The following CDK4 variants were observed in gnomAD, a reference collection of about 807,000 sequenced individuals.
CDK4 encodes cyclin-dependent kinase 4.
Under a neutral mutation model 36.7 loss-of-function variants are expected in CDK4, and 13 were observed. The ratio of observed to expected loss-of-function variants is 0.35; its 90% CI spans 0.23 to 0.56. The LOEUF is 0.56. Among genes scored for constraint, CDK4 ranks in the 20% least tolerant of loss-of-function variants. The probability of loss-of-function intolerance (pLI) is 0.85; values close to 1 mark genes in which losing one functional copy is unlikely to be tolerated. For missense variants in CDK4, 285 were observed against 387.3 expected, an observed-to-expected ratio of 0.74 and a Z score of 2.22; for synonymous variants, 158 against 146.4, an observed-to-expected ratio of 1.08 and a Z score of -0.57.
chr12:57,751,215 T>C lies in CDK4; in HGVS notation c.346A>G (p.Thr116Ala), dbSNP rs2063052002. 1 of 1,614,066 alleles carries C rather than the reference T, an allele frequency of 6.2e-7. No homozygotes were observed. Among genetic ancestry groups the C allele is most frequent in the Admixed American group, 1.7e-5 (1 of 60,008 alleles). ...CTACCAACCCCACTCACCTTGATCGTTTCGGCTGGCAAGCCTGGTGGGGGT... is the reference window on the plus strand; with the variant it reads ...CTACCAACCCCACTCACCTTGATCGCTTCGGCTGGCAAGCCTGGTGGGGGT... ...KAPPPGLPAETIKDLMRQFLR... is the reference protein window; with the variant it reads ...KAPPPGLPAEAIKDLMRQFLR... The change falls in exon 3 of 8, where the codon ACG (threonine) becomes GCG (alanine). Residue 116 changes from threonine to alanine, a missense_variant. Transcript: ENST00000257904. This position sits in a 1 kb window ranked among gnomAD's most constrained non-coding sequence, Gnocchi z 4.5.
Position 57,749,703 on chromosome 12 carries a change from T to A in CDK4, c.633-199A>T, listed in dbSNP as rs527728639. The A allele has an allele frequency of 1.9e-4, 115 of 621,308 alleles. 1 individual carries two copies. Among genetic ancestry groups the A allele is most frequent in the South Asian group, 5.9e-4 (31 of 52,856 alleles). 38.5% of individuals were successfully genotyped at this position (621,308 alleles called of 1,614,324 possible). On this transcript the variant is annotated intron_variant, in intron 5 of 7. Transcript: ENST00000257904. ...GCAAGCAAGACCTTGTCTCTTTTTT[T>A]AAAAAAAAAGAAATGCCAGGTGCAG...
chr12:57,747,868 A>G lies in CDK4; in HGVS notation c.*657T>C. On this transcript the variant is annotated 3_prime_UTR_variant, in exon 8 of 8. Coordinates refer to ENST00000257904, the MANE Select transcript of CDK4 (RefSeq NM_000075.4). ...AGCGATCCTCCTGCCTCAGTCTCCCAAGTAGCTGGGATTACAGGTGTGCAC... is the reference window on the plus strand; with the variant it reads ...AGCGATCCTCCTGCCTCAGTCTCCCGAGTAGCTGGGATTACAGGTGTGCAC... 5.7e-6 allele frequency: 1 copy of G among 175,930 alleles called. No individual in the cohort carries two copies. The allele number at this position is 175,930 out of a possible 1,614,324, so 10.9% of individuals were successfully genotyped here.
At position 57,747,769 on chromosome 12, in the gene CDK4, G is replaced by T. The variant is rs1181253656; in HGVS notation, c.*756C>A. 4.3e-5 allele frequency: 7 copies of T among 161,792 alleles called. No individual in the cohort carries two copies. The highest frequency in any genetic ancestry group is 9.4e-5 in the Non-Finnish European group (7 of 74,236). The allele number at this position is 161,792 out of a possible 1,614,324, so 10.0% of individuals were successfully genotyped here. Reference sequence around the variant, plus strand: ...ATTCTTTTTTTTTTTTTGACACAGAGTCTTGCTCTGTTGCCCAGGCTGGAG... The same window carrying T: ...ATTCTTTTTTTTTTTTTGACACAGATTCTTGCTCTGTTGCCCAGGCTGGAG... On this transcript the variant is annotated 3_prime_UTR_variant, in exon 8 of 8. Coordinates refer to ENST00000257904, the MANE Select transcript of CDK4 (RefSeq NM_000075.4).
In CDK4 at chr12:57,751,375, CT is replaced by C; in HGVS notation, c.219-34del. On this transcript the variant is annotated intron_variant, in intron 2 of 7. Coordinates refer to ENST00000257904, the MANE Select transcript of CDK4 (RefSeq NM_000075.4). This position sits in a 1 kb window ranked among gnomAD's most constrained non-coding sequence, Gnocchi z 4.5. ...GAGTAAATGCTCACTTTTCAATCCC[CT>C]TTAACCCAACATGGCCTCTCATTAT... is the stretch of plus-strand genomic sequence containing the variant. 6.2e-7 allele frequency: 1 copy of C among 1,614,004 alleles called. No homozygotes were observed. Among genetic ancestry groups the C allele is most frequent in the Non-Finnish European group, 8.5e-7 (1 of 1,179,996 alleles).
chr12:57,751,871 T>C lies in CDK4; in HGVS notation c.-19-135A>G, dbSNP rs1955242110. 1.3e-5 allele frequency: 9 copies of C among 692,850 alleles called. No homozygotes were observed. Among genetic ancestry groups the C allele is most frequent in the South Asian group, 1.1e-4 (7 of 62,116 alleles). The allele number at this position is 692,850 out of a possible 1,614,324, so 42.9% of individuals were successfully genotyped here. A position where few individuals can be genotyped will look rare whatever the true frequency, so the allele number is the denominator to read the frequency against. On this transcript the variant is annotated intron_variant, in intron 1 of 7. Coordinates refer to ENST00000257904, the MANE Select transcript of CDK4 (RefSeq NM_000075.4). This position sits in a 1 kb window ranked among gnomAD's most constrained non-coding sequence, Gnocchi z 4.5. Reference sequence around the variant, plus strand: ...TCCCATCCCCCGCTCCCAGTCTTCCTTGGGGCCGGCCCCAGAGATAACACA... The same window carrying C: ...TCCCATCCCCCGCTCCCAGTCTTCCCTGGGGCCGGCCCCAGAGATAACACA...
rs1371301661 is a variant in CDK4, at chr12:57,748,174, G to T, written c.*351C>A. 15 of 351,070 alleles carry T rather than the reference G, an allele frequency of 4.3e-5. No homozygotes were observed. In the Admixed American group the frequency reaches 6.8e-4, roughly 16 times the overall value. The allele number at this position is 351,070 out of a possible 1,614,324, so 21.7% of individuals were successfully genotyped here. On this transcript the variant is annotated 3_prime_UTR_variant, in exon 8 of 8. Coordinates refer to ENST00000257904, the MANE Select transcript of CDK4 (RefSeq NM_000075.4). ...GCAGGAAAGTCCCTTCTTCCAAGTG[G>T]TTTTTCCAAATCGCACAATGGCAAA... is the stretch of plus-strand genomic sequence containing the variant.
chr12:57,749,869 C>T (rs1332423111), intron 5 of CDK4: 4 of 322,018 alleles, frequency 1.2e-5, no homozygotes, highest in East Asian at 8.0e-5. Context: ...TGGTGGCGTG[C>T]ACCTGTGGTC....
rs1456215691 is a variant in CDK4 at position 57,751,607 on chromosome 12, C to T, written c.111G>A (p.Val37=). 6.2e-7 allele frequency: 1 copy of T among 1,614,218 alleles called. No homozygotes were observed. Among genetic ancestry groups the T allele is most frequent in the Admixed American group, 1.7e-5 (1 of 60,030 alleles). Residue 37 remains valine (V), a synonymous_variant, in exon 2 of 8, where the codon GTG becomes GTA. Transcript: ENST00000257904. This position sits in a 1 kb window ranked among gnomAD's most constrained non-coding sequence, Gnocchi z 4.5. ...HSGHFVALKS[V]RVPNGGGGGG... is the part of the protein sequence containing the mutation. The stretch of plus-strand genomic sequence containing the variant: ...CACCTCCTCCTCCATTGGGGACTCT[C>T]ACACTCTTGAGGGCCACAAAGTGGC...
At chr12:57,750,556 G>A (rs1265912693) in intron 5 of CDK4, 100 bp downstream of exon 5, 1 of 846,010 alleles carries the variant, frequency 1.2e-6, no homozygotes, top group South Asian at 1.3e-5. Context: ...AACACAGCAA[G>A]CCCTGGTCTC....
At position 57,748,640 on chromosome 12, in the gene CDK4, GAAAACCATGAAGAA is replaced by G. The variant is rs766751879; in HGVS notation, c.820-37_820-24del. On this transcript the variant is annotated intron_variant, in intron 7 of 7. Transcript: ENST00000257904. ...TTCCTGAGGGGAGAGGCAAAGGTCA[GAAAACCATGAAGAA>G]AACAGACTTCTGCCCACCCACAACA... 9.8e-6 allele frequency: 15 copies of G among 1,531,102 alleles called. No homozygotes were observed. In the African/African-American group the frequency reaches 2.1e-4, roughly 21 times the overall value. 94.8% of individuals were successfully genotyped at this position (1,531,102 alleles called of 1,614,324 possible). A position where few individuals can be genotyped will look rare whatever the true frequency, so the allele number is the denominator to read the frequency against.
At position 57,750,926 on chromosome 12, in the gene CDK4, G is replaced by C. The variant is rs747084709; in HGVS notation, c.519C>G (p.Pro173=). The C allele has an allele frequency of 6.2e-7, 1 of 1,614,150 alleles. No individual in the cohort carries two copies. Among genetic ancestry groups the C allele is most frequent in the Non-Finnish European group, 8.5e-7 (1 of 1,180,036 alleles). ...TTGGTACCATCTTTCTACTGACCACGGGTGTAAGTGCCATCTGGTAGCTGT... is the reference window on the plus strand; with the variant it reads ...TTGGTACCATCTTTCTACTGACCACCGGTGTAAGTGCCATCTGGTAGCTGT... ...RIYSYQMALT[P]VVVTLWYRAP... The change falls in exon 4 of 8, where the codon CCC becomes CCG. Residue 173 remains proline (P), a synonymous_variant. Coordinates refer to ENST00000257904, the MANE Select transcript of CDK4 (RefSeq NM_000075.4).
At chr12:57,748,921 G>A in intron 7 of CDK4, 1 of 562,730 alleles carries the variant, frequency 1.8e-6, no homozygotes, top group Non-Finnish European at 3.2e-6. Context: ...GGCCAGGCTG[G>A]TCTCGAACTC....
At chr12:57,749,411 G>A (rs771755893) in intron 6 of CDK4, 43 bp downstream of exon 6, 1 of 1,613,058 alleles carries the variant, frequency 6.2e-7, no homozygotes. Flanking sequence ...GCAGAAAGAG[G>A]ACTCAGAATA....
rs2069509 is a variant in CDK4 at position 57,748,711 on chromosome 12, T to C, written c.820-94A>G. The C allele has an allele frequency of 1.7e-4, 128 of 735,656 alleles. 1 individual carries two copies. The highest frequency in any genetic ancestry group is 1.1e-3 in the South Asian group (61 of 56,312). 45.6% of individuals were successfully genotyped at this position (735,656 alleles called of 1,614,324 possible). A position where few individuals can be genotyped will look rare whatever the true frequency, so the allele number is the denominator to read the frequency against. On this transcript the variant is annotated intron_variant, in intron 7 of 7. Transcript: ENST00000257904. ...GGGATGAGCTTTCTTCTTTTTTCTTTTTTTTTTTTTTTGAGACGGAGTCTC... is the reference window on the plus strand; with the variant it reads ...GGGATGAGCTTTCTTCTTTTTTCTTCTTTTTTTTTTTTGAGACGGAGTCTC...
chr12:57,751,853 C>A lies in CDK4; in HGVS notation c.-19-117G>T. 1 of 732,182 alleles carries A rather than the reference C, an allele frequency of 1.4e-6. No individual in the cohort carries two copies. The highest frequency in any genetic ancestry group is 1.5e-5 in the South Asian group (1 of 64,724). 45.4% of individuals were successfully genotyped at this position (732,182 alleles called of 1,614,324 possible). A position where few individuals can be genotyped will look rare whatever the true frequency, so the allele number is the denominator to read the frequency against. On this transcript the variant is annotated intron_variant, in intron 1 of 7. Transcript: ENST00000257904. The surrounding 1 kb of genome is among the most constrained non-coding windows in gnomAD (Gnocchi z 4.5). ...CAAAGAACACCACCAGCATCCCATCCCCCGCTCCCAGTCTTCCTTGGGGCC... is the reference window on the plus strand; with the variant it reads ...CAAAGAACACCACCAGCATCCCATCACCCGCTCCCAGTCTTCCTTGGGGCC...
rs1955199432 is a variant in CDK4, at chr12:57,749,176, C to T, written c.819+6G>A. On this transcript the variant is annotated splice_donor_region_variant and intron_variant, in intron 7 of 7. Coordinates refer to ENST00000257904, the MANE Select transcript of CDK4 (RefSeq NM_000075.4). ...CTTTCCCTGTGCCCACAGCCATCTCCAGTACCAGCAGCAGCTGTGCTCCCG... is the reference window on the plus strand; with the variant it reads ...CTTTCCCTGTGCCCACAGCCATCTCTAGTACCAGCAGCAGCTGTGCTCCCG... 6.2e-7 allele frequency: 1 copy of T among 1,614,042 alleles called. No individual in the cohort carries two copies. The highest frequency in any genetic ancestry group is 8.5e-7 in the Non-Finnish European group (1 of 1,179,868).
rs192347082 is a variant in CDK4, at chr12:57,747,774, G to A, written c.*751C>T. 56 of 161,734 alleles carry A rather than the reference G, an allele frequency of 3.5e-4. 1 individual carries two copies. In the East Asian group the frequency reaches 6.3e-3, roughly 18 times the overall value. The allele number at this position is 161,734 out of a possible 1,614,324, so 10.0% of individuals were successfully genotyped here. A position where few individuals can be genotyped will look rare whatever the true frequency, so the allele number is the denominator to read the frequency against. ...TTTTTTTTTTTTGACACAGAGTCTT[G>A]CTCTGTTGCCCAGGCTGGAGTGCAA... On this transcript the variant is annotated 3_prime_UTR_variant, in exon 8 of 8. Transcript: ENST00000257904.
rs1192976748 is a variant in CDK4 at position 57,750,647 on chromosome 12, G to A, written c.632+9C>T. Reference sequence around the variant, plus strand: ...ATTCAAGGTAGTCCAGGGTATGTGGGTCCCATACTTTCGACGAAACATCTC... The same window carrying A: ...ATTCAAGGTAGTCCAGGGTATGTGGATCCCATACTTTCGACGAAACATCTC... On this transcript the variant is annotated intron_variant, in intron 5 of 7. Transcript: ENST00000257904. 1.9e-6 allele frequency: 3 copies of A among 1,558,310 alleles called. No individual in the cohort carries two copies. The highest frequency in any genetic ancestry group is 2.7e-5 in the African/African-American group (2 of 73,794).
chr12:57,750,796 C>T, intron 4 of CDK4, 31 bp from the exon 5 acceptor site: 1 of 1,598,252 alleles, frequency 6.3e-7, no homozygotes, highest in African/African-American at 1.3e-5. Context: ...GGATGGGGAC[C>T]CCATGGGTTA....
Sources: allele counts gnomAD v4.1 joint callset, GRCh38; gene constraint gnomAD v4.1.1; non-coding constraint Gnocchi (gnomAD v3.1); transcripts MANE v1.5; gene names NCBI Gene and HGNC (gene_info 2026-07-23, HGNC 2026-07-21).